THSD7B: variants seen among roughly 807,000 people sequenced by gnomAD.
THSD7B encodes the protein thrombospondin type 1 domain containing 7B.
A neutral mutation model predicts 213.6 loss-of-function variants in THSD7B; 138 were observed. The ratio of observed to expected loss-of-function variants is 0.65; its 90% CI spans 0.56 to 0.74. The LOEUF (loss-of-function observed/expected upper bound fraction) is 0.74, where lower values mean the gene tolerates loss of function less well. Among genes scored for constraint, THSD7B ranks in the 30% least tolerant of loss-of-function variants. The pLI, the probability that THSD7B is intolerant of heterozygous loss-of-function variation, is 0.00. For missense variants in THSD7B, 1,931 were observed against 1,991.5 expected (o/e 0.97, Z 0.58); for synonymous variants, 742 against 687.0 (o/e 1.08, Z -1.25).
At chr2:137,453,313 C>T (rs558975381) in intron 15 of THSD7B, among the ~76,000 whole-genome samples, 2 of 140,130 alleles carry the variant, frequency 1.4e-5, no homozygotes, top group African/African-American at 5.2e-5. Context: ...CTGCTGAGAA[C>T]ATTTGAAATT....
intron 10 of THSD7B, among the ~76,000 whole-genome samples, chr2:137,263,013 C>T (rs1682488464): frequency 6.6e-6 from 1 of 152,058 alleles, no homozygotes; most frequent in Non-Finnish European, 1.5e-5. Flanking sequence ...ATAAGGTTAG[C>T]TCTCTCTAAA....
At chr2:137,360,696 G>GTA (rs1685235525) in intron 12 of THSD7B, among the ~76,000 whole-genome samples, 1 of 152,152 alleles carries the variant, frequency 6.6e-6, no homozygotes, top group Admixed American at 6.5e-5. Context: ...CATAAACAAA[G>GTA]TGGCCTGGAA....
chr2:137,119,569 C>A (rs1558927995), intron 5 of THSD7B, among the ~76,000 whole-genome samples: 1 of 152,222 alleles, frequency 6.6e-6, no homozygotes, highest in East Asian at 1.9e-4. Flanking sequence ...AGTTTGTGTT[C>A]AGTAGCAGCC....
rs149010761 is a variant in THSD7B, at chr2:136,812,152, G to T, written c.-36+46465G>T. Among the ~76,000 whole-genome samples, 489 of 152,272 alleles carry T rather than the reference G, an allele frequency of 3.2e-3. 1 individual carries two copies. The highest frequency in any genetic ancestry group is 0.011 in the African/African-American group (475 of 41,562). ...TTCATTCTAAATAATGTACAGCTTTGTTTTTAAAATATCAATAATTTGAAA... is the reference window on the plus strand; with the variant it reads ...TTCATTCTAAATAATGTACAGCTTTTTTTTTAAAATATCAATAATTTGAAA... On this transcript the variant is annotated intron_variant, in intron 1 of 27. Coordinates refer to ENST00000409968, the MANE Select transcript of THSD7B (RefSeq NM_001316349.2).
intron 5 of THSD7B, among the ~76,000 whole-genome samples, chr2:137,150,473 T>G (rs1015383524): frequency 6.6e-6 from 1 of 151,994 alleles, no homozygotes; most frequent in African/African-American, 2.4e-5. Context: ...TCTCATGAGA[T>G]CTAATGTTTT....
intron 15 of THSD7B, among the ~76,000 whole-genome samples, chr2:137,513,524 A>G (rs1680010098): frequency 6.6e-6 from 1 of 152,218 alleles, no homozygotes; most frequent in South Asian, 2.1e-4. Flanking sequence ...CATATATTAT[A>G]TGCATTTTAT....
At chr2:137,050,818 G>A (rs34244784) in intron 2 of THSD7B, among the ~76,000 whole-genome samples, 1 of 151,980 alleles carries the variant, frequency 6.6e-6, no homozygotes, top group African/African-American at 2.4e-5. Context: ...ATTTTTTAAT[G>A]AAATGCAACA....
At chr2:137,647,735 A>G (rs563177901) in intron 21 of THSD7B, among the ~76,000 whole-genome samples, 18 of 152,036 alleles carry the variant, frequency 1.2e-4, no homozygotes, top group Non-Finnish European at 2.2e-4. Flanking sequence ...CTCTTCATGA[A>G]TGGTACTGAG....
At chr2:137,485,839 T>C (rs1004155370) in intron 15 of THSD7B, among the ~76,000 whole-genome samples, 3 of 152,072 alleles carry the variant, frequency 2.0e-5, no homozygotes, top group African/African-American at 7.2e-5. Flanking sequence ...GGGGCCAATA[T>C]TCAACATTCT....
intron 20 of THSD7B, among the ~76,000 whole-genome samples, chr2:137,622,147 TC>T (rs1438670017): frequency 6.6e-6 from 1 of 152,140 alleles, no homozygotes; most frequent in Non-Finnish European, 1.5e-5. Flanking sequence ...CAAATTTTAA[TC>T]TCAGTTTTGC....
intron 26 of THSD7B, among the ~76,000 whole-genome samples, chr2:137,665,269 G>A (rs1683424869): frequency 6.6e-6 from 1 of 152,176 alleles, no homozygotes; most frequent in African/African-American, 2.4e-5. Flanking sequence ...AGGGAAATGA[G>A]TCTTCAAATC....
At chr2:137,103,453 C>A (rs1688186296) in intron 4 of THSD7B, among the ~76,000 whole-genome samples, 1 of 152,084 alleles carries the variant, frequency 6.6e-6, no homozygotes, top group Non-Finnish European at 1.5e-5. Context: ...AGACCATTGA[C>A]ACTATGAAGA....
chr2:137,063,459 C>A (rs1347350110), intron 3 of THSD7B, among the ~76,000 whole-genome samples: 1 of 151,930 alleles, frequency 6.6e-6, no homozygotes, highest in Non-Finnish European at 1.5e-5. Flanking sequence ...TACAAGCATG[C>A]AATGCATTGT....
chr2:137,467,211 G>A lies in THSD7B; in HGVS notation c.3138+16188G>A, dbSNP rs146108486. On this transcript the variant is annotated intron_variant, in intron 15 of 27. Coordinates refer to ENST00000409968, the MANE Select transcript of THSD7B (RefSeq NM_001316349.2). ...TAGAAATCTATAATATTTGTCTGAC[G>A]AACTGGGATACATGTTCAGAACTGC... is the stretch of plus-strand genomic sequence containing the variant. Among the ~76,000 whole-genome samples the A allele has an allele frequency of 4.8e-3, 732 of 152,180 alleles. 4 individuals carry two copies. Among genetic ancestry groups the A allele is most frequent in the African/African-American group, 0.017 (695 of 41,534 alleles).
At chr2:137,054,695 A>T (rs1164028492) in intron 2 of THSD7B, among the ~76,000 whole-genome samples, 1 of 152,112 alleles carries the variant, frequency 6.6e-6, no homozygotes, top group Non-Finnish European at 1.5e-5. Flanking sequence ...TATGCCTCTT[A>T]GGGTCTGAAG....
rs1217216047 is a variant in THSD7B, at chr2:137,563,455, A to G, written c.3272+101A>G. ...TTTATCCAAGTACACTCTGATTTTC[A>G]TAACATATACTCTGGTTTTTTCTCA... is the stretch of plus-strand genomic sequence containing the variant. On this transcript the variant is annotated intron_variant, in intron 16 of 27. Coordinates refer to ENST00000409968, the MANE Select transcript of THSD7B (RefSeq NM_001316349.2). The G allele has an allele frequency of 3.5e-6, 5 of 1,423,184 alleles. No homozygotes were observed. In the South Asian group the frequency reaches 5.5e-5, roughly 16 times the overall value. The allele number at this position is 1,423,184 out of a possible 1,614,324, so 88.2% of individuals were successfully genotyped here.
Position 136,767,484 on chromosome 2 carries a change from G to GT in THSD7B, c.-36+1798dup, listed in dbSNP as rs1307478129. Among the ~76,000 whole-genome samples the GT allele has an allele frequency of 9.8e-3, 1,269 of 129,540 alleles. 16 individuals are homozygous for GT. The highest frequency in any genetic ancestry group is 0.033 in the African/African-American group (1,193 of 36,302). The allele number at this position is 129,540 out of a possible 152,430, so 85.0% of individuals were successfully genotyped here. A position where few individuals can be genotyped will look rare whatever the true frequency, so the allele number is the denominator to read the frequency against. The stretch of plus-strand genomic sequence containing the variant: ...GTGTGTGTGTGTGTGTGTGTGTTGT[G>GT]TGTATTTGTGTGTGTGTGTTTTCTT... On this transcript the variant is annotated intron_variant, in intron 1 of 27. Coordinates refer to ENST00000409968, the MANE Select transcript of THSD7B (RefSeq NM_001316349.2).
At chr2:137,155,693 T>C (rs567639932) in intron 5 of THSD7B, among the ~76,000 whole-genome samples, 1 of 152,306 alleles carries the variant, frequency 6.6e-6, no homozygotes, top group Admixed American at 6.5e-5. Flanking sequence ...TCTCACTGCC[T>C]CCTTGATGGG....
At chr2:136,821,357 T>G (rs1227235853) in intron 1 of THSD7B, among the ~76,000 whole-genome samples, 4 of 152,204 alleles carry the variant, frequency 2.6e-5, no homozygotes. Context: ...TCATTTATAA[T>G]TAGTTTGAAA....
Sources: allele counts gnomAD v4.1 joint callset (sites outside exome capture counted in the v4.1 genomes callset), GRCh38; gene constraint gnomAD v4.1.1; transcripts MANE v1.5; gene names NCBI Gene and HGNC (gene_info 2026-07-23, HGNC 2026-07-21).